The following KLRG1 variants were observed in gnomAD, a reference collection of about 807,000 sequenced individuals.
The protein encoded by KLRG1 is killer cell lectin like receptor G1.
KLRG1 carries 16 observed loss-of-function variants against 21.8 expected under a neutral mutation model. The ratio of observed to expected loss-of-function variants is 0.73; its 90% CI spans 0.50 to 1.11. The LOEUF is 1.11. KLRG1 is among the 50% of genes most tolerant of loss of function. The pLI is 0.00. For missense variants in KLRG1, 173 were observed against 218.3 expected (o/e 0.79, Z 1.31); for synonymous variants, 69 against 75.9 (o/e 0.91, Z 0.47).
the KLRG1 span, among the ~76,000 whole-genome samples, chr12:9,197,982 T>TTA: frequency 5.1e-3 from 688 of 135,434 alleles, 2 homozygotes; most frequent in Middle Eastern, 0.018. Context: ...TTAATATATA[T>TTA]TATATATATA....
the KLRG1 span, chr12:9,104,178 T>A: frequency 1.3e-6 from 2 of 1,540,086 alleles, no homozygotes; most frequent in Non-Finnish European, 1.8e-6. Context: ...TTCTCACCCT[T>A]AGGTTGCAAC....
At chr12:9,014,554 A>C (rs1280304336), downstream of KLRG1, among the ~76,000 whole-genome samples, 1 of 152,180 alleles carries the variant, frequency 6.6e-6, no homozygotes, top group Non-Finnish European at 1.5e-5. Flanking sequence ...TTTCCCAAAC[A>C]AACAAAAGCA....
the KLRG1 span, among the ~76,000 whole-genome samples, chr12:9,085,132 A>G: frequency 6.6e-6 from 1 of 152,082 alleles, no homozygotes; most frequent in East Asian, 1.9e-4. Context: ...CCAGAAAGAA[A>G]ATTAATAAGA....
chr12:8,980,352 CACTTTA>C (rs966221901), intron 1 of KLRG1, among the ~76,000 whole-genome samples: 2 of 152,132 alleles, frequency 1.3e-5, no homozygotes, highest in African/African-American at 4.8e-5. Context: ...CTCTTTAAAA[CACTTTA>C]ACTTTGAATT....
upstream of KLRG1, among the ~76,000 whole-genome samples, chr12:8,987,864 T>C (rs1946869972): frequency 6.6e-6 from 1 of 152,232 alleles, no homozygotes; most frequent in South Asian, 2.1e-4. Context: ...TTCCATTGTA[T>C]GTGTAGACCA....
At chr12:9,168,673 G>A in the KLRG1 span, 1 of 501,900 alleles carries the variant, frequency 2.0e-6, no homozygotes, top group Non-Finnish European at 3.5e-6. Context: ...TGAAGTATCG[G>A]ATGTATCTAA....
the KLRG1 span, among the ~76,000 whole-genome samples, chr12:9,061,684 T>C: frequency 1.3e-3 from 193 of 152,256 alleles, 1 homozygote; most frequent in Admixed American, 2.5e-3. Context: ...AAAGAAGTTA[T>C]TTATTCTTCG....
the KLRG1 span, among the ~76,000 whole-genome samples, chr12:9,051,894 A>G: frequency 6.6e-6 from 1 of 152,220 alleles, no homozygotes; most frequent in Admixed American, 6.5e-5. Flanking sequence ...AGACAAAAAT[A>G]TCAGAGTATT....
At chr12:9,162,707 A>G in the KLRG1 span, 3 of 1,317,504 alleles carry the variant, frequency 2.3e-6, no homozygotes, top group African/African-American at 2.9e-5. Context: ...CAAGAGAACC[A>G]CATGGATTCC....
the KLRG1 span, among the ~76,000 whole-genome samples, chr12:9,188,898 A>G: frequency 6.6e-6 from 1 of 152,210 alleles, no homozygotes; most frequent in African/African-American, 2.4e-5. Context: ...AAATGGAAAA[A>G]TATTCCATGC....
the KLRG1 span, chr12:9,058,972 C>T: frequency 6.6e-6 from 1 of 152,630 alleles, no homozygotes; most frequent in Non-Finnish European, 1.5e-5. Flanking sequence ...GAAGTCTATA[C>T]ATAAACAAAG....
At chr12:9,138,730 G>A in the KLRG1 span, among the ~76,000 whole-genome samples, 6 of 151,896 alleles carry the variant, frequency 4.0e-5, no homozygotes, top group Non-Finnish European at 8.8e-5. Context: ...CATGTTTTGT[G>A]TATTTGGGAA....
the KLRG1 span, among the ~76,000 whole-genome samples, chr12:9,120,233 T>C: frequency 6.6e-5 from 10 of 152,280 alleles, 1 homozygote; most frequent in East Asian, 1.5e-3. Context: ...AAATCACCAA[T>C]TGGGTTACCT....
At chr12:8,964,579 C>T (rs1946434169) in intron 1 of KLRG1, among the ~76,000 whole-genome samples, 1 of 151,716 alleles carries the variant, frequency 6.6e-6, no homozygotes, top group South Asian at 2.1e-4. Flanking sequence ...GAGTTCAATT[C>T]CTGGGTATCC....
chr12:9,200,271 G>T, the KLRG1 span: 1 of 783,802 alleles, frequency 1.3e-6, no homozygotes, highest in Non-Finnish European at 2.0e-6. Context: ...TTACAAAAGT[G>T]CTGAGGCAAA....
the KLRG1 span, among the ~76,000 whole-genome samples, chr12:9,056,965 A>T: frequency 1.3e-5 from 2 of 152,134 alleles, no homozygotes; most frequent in African/African-American, 4.8e-5. Flanking sequence ...TTGCATTGCT[A>T]TATTATCTTT....
At chr12:8,996,790 T>C (rs934755211) in intron 3 of KLRG1, among the ~76,000 whole-genome samples, 1 of 152,244 alleles carries the variant, frequency 6.6e-6, no homozygotes, top group Non-Finnish European at 1.5e-5. Flanking sequence ...CCTTGCTTTC[T>C]GGACCTTGTT....
the KLRG1 span, among the ~76,000 whole-genome samples, chr12:9,136,140 T>G: frequency 6.6e-6 from 1 of 152,170 alleles, no homozygotes; most frequent in Admixed American, 6.5e-5. Flanking sequence ...ACCTTGAAAG[T>G]AGCAAGTGAC....
the KLRG1 span, chr12:9,150,732 C>A: frequency 3.1e-6 from 5 of 1,611,270 alleles, no homozygotes; most frequent in Non-Finnish European, 4.2e-6. Context: ...AAAAACTTAG[C>A]GTCTGATTTG....
Sources: allele counts gnomAD v4.1 joint callset (sites outside exome capture counted in the v4.1 genomes callset), GRCh38; gene constraint gnomAD v4.1.1; transcripts MANE v1.5; gene names NCBI Gene and HGNC (gene_info 2026-07-23, HGNC 2026-07-21).